NOMO3: variants seen among roughly 807,000 people sequenced by gnomAD.
NOMO3 encodes NODAL modulator 3.
Under a neutral mutation model 69.9 loss-of-function variants are expected in NOMO3, and 15 were observed. That is an observed-to-expected ratio of 0.21 (90% CI 0.14 to 0.33). The LOEUF (loss-of-function observed/expected upper bound fraction) is 0.33, where lower values mean the gene tolerates loss of function less well. NOMO3 is among the 10% of genes least tolerant of loss of function. NOMO3 has a pLI of 1.00. For synonymous variants in NOMO3, 89 were observed against 301.9 expected (o/e 0.29, Z 7.31); for missense variants, 218 against 761.0 (o/e 0.29, Z 8.39).
chr16:16,267,357 T>C (rs1407551232), intron 16 of NOMO3: 1 of 500,264 alleles, frequency 2.0e-6, no homozygotes, highest in Non-Finnish European at 3.5e-6. Context: ...CCTCTCTTTA[T>C]AGAGCTGTTT....
intron 1 of NOMO3, among the ~76,000 whole-genome samples, chr16:16,235,266 G>A (rs1488684548): frequency 2.0e-4 from 30 of 150,468 alleles, no homozygotes; most frequent in African/African-American, 5.0e-4. Context: ...GTTTCATAGC[G>A]GCTCGTGTCA....
At position 16,265,670 on chromosome 16, in the gene NOMO3, ATTTTTTTTTTTTT is replaced by A. The variant is rs59243746; in HGVS notation, c.1806+507_1806+519del. Among the ~76,000 whole-genome samples the A allele has an allele frequency of 7.8e-4, 13 of 16,678 alleles. No individual in the cohort carries two copies. The South Asian group carries it at 0.024, about 31-fold the overall frequency. The allele number at this position is 16,678 out of a possible 152,430, so 10.9% of individuals were successfully genotyped here. A position where few individuals can be genotyped will look rare whatever the true frequency, so the allele number is the denominator to read the frequency against. ...TATATATATATATATATATATATAT[ATTTTTTTTTTTTT>A]TTTTTTTTTTTTTTTGAGATGGAGT... On this transcript the variant is annotated intron_variant, in intron 15 of 30. Transcript: ENST00000399336.
At chr16:16,265,668 A>ATCTT (rs1462635090) in intron 15 of NOMO3, among the ~76,000 whole-genome samples, 1 of 24,906 alleles carries the variant, frequency 4.0e-5, no homozygotes, top group Non-Finnish European at 6.2e-5. Flanking sequence ...ATATATATAT[A>ATCTT]TATTTTTTTT....
intron 1 of NOMO3, among the ~76,000 whole-genome samples, chr16:16,236,383 TA>T (rs2049327067): frequency 7.1e-6 from 1 of 141,688 alleles, no homozygotes; most frequent in Non-Finnish European, 1.5e-5. Context: ...TACCTGGGAC[TA>T]CCGGTGCCTG....
In NOMO3 at chr16:16,255,620, A is replaced by C. The variant is rs2049503730; in HGVS notation, c.964-100A>C. On this transcript the variant is annotated intron_variant, in intron 9 of 30. Coordinates refer to ENST00000399336, the MANE Select transcript of NOMO3 (RefSeq NM_001004067.4). ...CACTGAGTGTTGGGAGGTGGGCGGCAGGAGCAGACATGGTAGGTGGTGGCC... is the reference window on the plus strand; with the variant it reads ...CACTGAGTGTTGGGAGGTGGGCGGCCGGAGCAGACATGGTAGGTGGTGGCC... 1.8e-5 allele frequency: 12 copies of C among 675,652 alleles called. No individual in the cohort carries two copies. The South Asian group carries it at 1.9e-4, about 11-fold the overall frequency. The allele number at this position is 675,652 out of a possible 1,614,324, so 41.9% of individuals were successfully genotyped here. A position where few individuals can be genotyped will look rare whatever the true frequency, so the allele number is the denominator to read the frequency against.
rs1272203775 is a variant in NOMO3 at position 16,243,951 on chromosome 16, G to A, written c.402+690G>A. Among the ~76,000 whole-genome samples, 114 of 144,688 alleles carry A rather than the reference G, an allele frequency of 7.9e-4. 12 individuals are homozygous for A. Among genetic ancestry groups the A allele is most frequent in the East Asian group, 4.9e-3 (22 of 4,470 alleles). The allele number at this position is 144,688 out of a possible 152,430, so 94.9% of individuals were successfully genotyped here. On this transcript the variant is annotated intron_variant, in intron 4 of 30. Transcript: ENST00000399336. Reference sequence around the variant, plus strand: ...GAAGTCAGCTTCTCCCAGAGAGAGCGTGCATCTGCTTCTGACACTTACGTA... The same window carrying A: ...GAAGTCAGCTTCTCCCAGAGAGAGCATGCATCTGCTTCTGACACTTACGTA...
intron 16 of NOMO3, among the ~76,000 whole-genome samples, chr16:16,268,554 T>A (rs935302150): frequency 7.0e-6 from 1 of 143,404 alleles, no homozygotes; most frequent in Non-Finnish European, 1.5e-5. Flanking sequence ...TTAGCTCCTG[T>A]GTAACCCAGC....
chr16:16,263,265 G>A lies in NOMO3; in HGVS notation c.1537+50G>A, dbSNP rs181768150. 3.3e-5 allele frequency: 52 copies of A among 1,595,128 alleles called. 4 individuals carry two copies. Among genetic ancestry groups the A allele is most frequent in the Admixed American group, 2.9e-4 (17 of 59,004 alleles). On this transcript the variant is annotated intron_variant, in intron 13 of 30. Transcript: ENST00000399336. ...ACACATAGTTTCAAAGAAGTCAGCC[G>A]GTAGGAGTGGGATTTGGGAAACTTT... is the stretch of plus-strand genomic sequence containing the variant.
chr16:16,240,571 A>G (rs2049367222), intron 3 of NOMO3, among the ~76,000 whole-genome samples: 5 of 145,232 alleles, frequency 3.4e-5, no homozygotes, highest in Admixed American at 3.4e-4. Context: ...AACTTTCCTC[A>G]TATAACTGCC....
rs780893695 is a variant in NOMO3 at position 16,265,296 on chromosome 16, T to C, written c.1806+117T>C. ...GGCAAGTCAGATTTCCTTTTCTGCC[T>C]CTGCACTCACCCACCTGTTACGCAA... On this transcript the variant is annotated intron_variant, in intron 15 of 30. Transcript: ENST00000399336. 4 of 1,574,082 alleles carry C rather than the reference T, an allele frequency of 2.5e-6. 1 individual carries two copies. The highest frequency in any genetic ancestry group is 3.5e-5 in the Admixed American group (2 of 57,552).
intron 2 of NOMO3, among the ~76,000 whole-genome samples, chr16:16,239,444 C>T (rs1253238364): frequency 6.8e-6 from 1 of 147,078 alleles, no homozygotes; most frequent in African/African-American, 2.7e-5. Context: ...GTGTGAGGTA[C>T]TGTGCCTGGC....
chr16:16,270,124 T>C lies in NOMO3; in HGVS notation c.1898T>C (p.Val633Ala), dbSNP rs756875920. 6.4e-7 allele frequency: 1 copy of C among 1,553,458 alleles called. No individual in the cohort carries two copies. Residue 633 changes from valine (V) to alanine (A), a missense_variant, in exon 17 of 31, where the codon GTG becomes GCG. By Grantham distance (64) the Val-to-Ala change is moderately conservative. Coordinates refer to ENST00000399336, the MANE Select transcript of NOMO3 (RefSeq NM_001004067.4). ...VNRFCLSKPG[V>A]YKVTPRSCHR... ...ACTTTTGATTTCCTGTCTGTAGGTG[T>C]GTACAAAGTGACCCCTCGCTCCTGC...
At chr16:16,266,038 C>T (rs1228462582) in intron 15 of NOMO3, among the ~76,000 whole-genome samples, 1 of 144,220 alleles carries the variant, frequency 6.9e-6, no homozygotes, top group Admixed American at 6.7e-5. Context: ...AAGCTGTAAA[C>T]AGGATCTTAG....
intron 15 of NOMO3, among the ~76,000 whole-genome samples, chr16:16,265,668 A>G (rs1169331877): frequency 0.069 from 1,682 of 24,440 alleles, 6 homozygotes; most frequent in African/African-American, 0.19. Flanking sequence ...ATATATATAT[A>G]TATTTTTTTT....
intron 20 of NOMO3, among the ~76,000 whole-genome samples, 187 bp downstream of exon 20, chr16:16,274,262 GAT>G (rs2049679515): frequency 8.7e-6 from 1 of 115,166 alleles, no homozygotes; most frequent in South Asian, 3.1e-4. Context: ...GGTTGGGTTG[GAT>G]GGATGGATGG....
chr16:16,237,547 G>GTT (rs377365326), intron 2 of NOMO3, among the ~76,000 whole-genome samples: 3 of 135,660 alleles, frequency 2.2e-5, no homozygotes, highest in African/African-American at 9.2e-5. Context: ...TTTTTTTGTT[G>GTT]TTTTTTTTTT....
chr16:16,261,062 T>C lies in NOMO3; in HGVS notation c.1221-440T>C, dbSNP rs1173734564. 1.7e-5 allele frequency: 3 copies of C among 172,312 alleles called. 1 individual carries two copies. The East Asian group carries it at 6.0e-4, about 34-fold the overall frequency. 10.7% of individuals were successfully genotyped at this position (172,312 alleles called of 1,614,324 possible). A position where few individuals can be genotyped will look rare whatever the true frequency, so the allele number is the denominator to read the frequency against. ...GACGTCTTTGATAATCCTGACTTAT[T>C]TGATGGCCTGGTAATGCCACAGTTT... is the stretch of plus-strand genomic sequence containing the variant. On this transcript the variant is annotated intron_variant, in intron 11 of 30. Coordinates refer to ENST00000399336, the MANE Select transcript of NOMO3 (RefSeq NM_001004067.4).
intron 1 of NOMO3, among the ~76,000 whole-genome samples, chr16:16,234,999 C>T (rs182134461): frequency 6.6e-5 from 10 of 152,096 alleles, no homozygotes; most frequent in East Asian, 1.9e-4. Flanking sequence ...CCTCCCTAAC[C>T]GGTCTAGTCT....
chr16:16,233,253 A>C, intron 1 of NOMO3, among the ~76,000 whole-genome samples: 1 of 87,362 alleles, frequency 1.1e-5, no homozygotes, highest in Non-Finnish European at 2.2e-5. Context: ...TTATCCCCCA[A>C]ACTCCACAGC....
Sources: gnomAD v4.1 joint callset for allele counts (sites outside exome capture counted in the v4.1 genomes callset) on GRCh38, gnomAD v4.1.1 for gene constraint, MANE v1.5 for transcripts, NCBI Gene and HGNC (gene_info 2026-07-23, HGNC 2026-07-21) for gene names.